UNC13C: variants seen among roughly 807,000 people sequenced by gnomAD.
UNC13C encodes the protein protein unc-13 homolog C.
In UNC13C, 174 loss-of-function variants were observed where a neutral mutation model predicts 245.4. That is an observed-to-expected ratio of 0.71 (90% CI 0.63 to 0.80). The LOEUF is 0.80. UNC13C is among the 30% of genes least tolerant of loss of function. The pLI is 0.00. For missense variants in UNC13C, 2,829 were observed against 2,602.9 expected, an observed-to-expected ratio of 1.09 and a Z score of -1.89; for synonymous variants, 992 against 895.1, an observed-to-expected ratio of 1.11 and a Z score of -1.93.
chr15:54,457,504 C>G (rs1346876883), intron 19 of UNC13C, among the ~76,000 whole-genome samples: 1 of 151,878 alleles, frequency 6.6e-6, no homozygotes, highest in African/African-American at 2.4e-5. Flanking sequence ...ATCCATCTGG[C>G]CGTGGACTTT....
At chr15:54,091,757 A>G (rs565652490) in intron 2 of UNC13C, among the ~76,000 whole-genome samples, 6 of 100,612 alleles carry the variant, frequency 6.0e-5, no homozygotes, top group African/African-American at 1.6e-4. Flanking sequence ...TAGTTTTTCA[A>G]TTGATACTTT....
rs183366796 is a variant in UNC13C, at chr15:54,566,716, A to C, written c.5959-1084A>C. On this transcript the variant is annotated intron_variant, in intron 29 of 32. Transcript: ENST00000260323. The stretch of plus-strand genomic sequence containing the variant: ...GCTAATACCCATAAAATTTTTCTGC[A>C]TCTCCCCTTGAATAGGGAAAAAAAA... Among the ~76,000 whole-genome samples the C allele has an allele frequency of 3.5e-4, 53 of 151,784 alleles. No individual in the cohort carries two copies. The East Asian group carries it at 6.0e-3, about 17-fold the overall frequency.
intron 2 of UNC13C, among the ~76,000 whole-genome samples, chr15:54,084,277 G>T (rs2141123385): frequency 6.6e-6 from 1 of 152,182 alleles, no homozygotes; most frequent in African/African-American, 2.4e-5. Flanking sequence ...TCTTTCTATT[G>T]GTCAGTTGGA....
chr15:54,373,834 T>G (rs1159440508), intron 17 of UNC13C, among the ~76,000 whole-genome samples: 1 of 152,154 alleles, frequency 6.6e-6, no homozygotes, highest in Non-Finnish European at 1.5e-5. Context: ...TTGTCTCACA[T>G]CCAGGAAGAA....
intron 16 of UNC13C, among the ~76,000 whole-genome samples, chr15:54,337,662 G>T (rs1567197580): frequency 6.6e-6 from 1 of 152,096 alleles, no homozygotes; most frequent in Non-Finnish European, 1.5e-5. Flanking sequence ...AGACTAAATT[G>T]TAACGCTGTT....
chr15:53,947,380 T>C, the UNC13C span, among the ~76,000 whole-genome samples: 1 of 152,202 alleles, frequency 6.6e-6, no homozygotes, highest in Admixed American at 6.5e-5. Flanking sequence ...AATGAACAAA[T>C]GAAATAGAAA....
At chr15:54,004,522 A>G (rs1288643771) in intron 1 of UNC13C, among the ~76,000 whole-genome samples, 1 of 152,192 alleles carries the variant, frequency 6.6e-6, no homozygotes, top group Non-Finnish European at 1.5e-5. Context: ...TTGAGTATAT[A>G]TCCAACAGCA....
Position 54,619,364 on chromosome 15 carries a change from C to T in UNC13C, c.6107-2963C>T, listed in dbSNP as rs372614796. ...ACTCATTTGCACTCTACGCATGTTT[C>T]ACTCTAGCATTATCCCTTATCCTTT... On this transcript the variant is annotated intron_variant, in intron 30 of 32. Coordinates refer to ENST00000260323, the MANE Select transcript of UNC13C (RefSeq NM_001080534.3). Among the ~76,000 whole-genome samples, 47 of 152,276 alleles carry T rather than the reference C, an allele frequency of 3.1e-4. 1 individual carries two copies. The highest frequency in any genetic ancestry group is 1.1e-3 in the African/African-American group (47 of 41,562).
intron 4 of UNC13C, among the ~76,000 whole-genome samples, chr15:54,230,109 G>A (rs572256546): frequency 3.6e-4 from 19 of 53,052 alleles, no homozygotes; most frequent in African/African-American, 1.4e-3. Flanking sequence ...TTCACTGTTG[G>A]TAGGAGTAAT....
rs746266863 is a variant in UNC13C at position 54,523,358 on chromosome 15, C to T, written c.5458-2191C>T. ...AATGGTATGATTCAGATCATGTAAA[C>T]GTTAAATACTTAACTGAAACTAAAA... On this transcript the variant is annotated intron_variant, in intron 24 of 32. Coordinates refer to ENST00000260323, the MANE Select transcript of UNC13C (RefSeq NM_001080534.3). Among the ~76,000 whole-genome samples, 18 of 152,256 alleles carry T rather than the reference C, an allele frequency of 1.2e-4. 1 individual carries two copies. The South Asian group carries it at 1.5e-3, about 12-fold the overall frequency.
At chr15:54,364,474 G>A (rs2039314675) in intron 17 of UNC13C, among the ~76,000 whole-genome samples, 1 of 152,172 alleles carries the variant, frequency 6.6e-6, no homozygotes, top group South Asian at 2.1e-4. Context: ...TTTCTTAGAT[G>A]TAGGGAGCTA....
At chr15:53,877,965 T>C in the UNC13C span, among the ~76,000 whole-genome samples, 1 of 152,240 alleles carries the variant, frequency 6.6e-6, no homozygotes, top group Non-Finnish European at 1.5e-5. Flanking sequence ...TTATATGTCT[T>C]GCTCTTTTTG....
At chr15:54,139,860 C>A (rs1460423660) in intron 2 of UNC13C, among the ~76,000 whole-genome samples, 1 of 151,946 alleles carries the variant, frequency 6.6e-6, no homozygotes, top group Non-Finnish European at 1.5e-5. Flanking sequence ...GTATGTGGAA[C>A]TTGGTGGCAT....
chr15:54,513,458 T>C (rs934196496), intron 24 of UNC13C, among the ~76,000 whole-genome samples: 10 of 152,194 alleles, frequency 6.6e-5, no homozygotes, highest in African/African-American at 2.2e-4. Context: ...TAAAGGAAAC[T>C]GGATGGGCCA....
chr15:54,172,683 CAA>C lies in UNC13C; in HGVS notation c.3071+29001_3071+29002del, dbSNP rs1253858961. Among the ~76,000 whole-genome samples the C allele has an allele frequency of 9.0e-4, 94 of 104,438 alleles. 1 individual carries two copies. Among genetic ancestry groups the C allele is most frequent in the African/African-American group, 3.2e-3 (90 of 28,248 alleles). 68.5% of individuals were successfully genotyped at this position (104,438 alleles called of 152,430 possible). ...GTCAAATATATATATTAATTTATGA[CAA>C]AGTCAAATACACACACAGATATATA... is the stretch of plus-strand genomic sequence containing the variant. On this transcript the variant is annotated intron_variant, in intron 4 of 32. Transcript: ENST00000260323.
chr15:54,625,722 T>A (rs187049647), intron 32 of UNC13C, among the ~76,000 whole-genome samples: 8 of 152,204 alleles, frequency 5.3e-5, no homozygotes, highest in Admixed American at 2.0e-4. Context: ...AAAACTGAAG[T>A]ATCCTACTCT....
intron 4 of UNC13C, among the ~76,000 whole-genome samples, chr15:54,179,311 C>G (rs190582121): frequency 3.7e-4 from 56 of 152,148 alleles, no homozygotes; most frequent in Non-Finnish European, 6.9e-4. Context: ...AATAAGCAGA[C>G]TAACAATCCA....
At chr15:54,170,726 A>T (rs139913976) in intron 4 of UNC13C, among the ~76,000 whole-genome samples, 57 of 152,312 alleles carry the variant, frequency 3.7e-4, no homozygotes, top group African/African-American at 1.3e-3. Flanking sequence ...TGCTAGAGAG[A>T]ACGTGGCAAT....
intron 19 of UNC13C, among the ~76,000 whole-genome samples, chr15:54,464,350 G>T (rs1892051914): frequency 6.6e-6 from 1 of 152,020 alleles, no homozygotes; most frequent in Non-Finnish European, 1.5e-5. Context: ...TCCTGGAATA[G>T]AGAAAACTTT....
Sources: allele counts gnomAD v4.1 joint callset (sites outside exome capture counted in the v4.1 genomes callset), GRCh38; gene constraint gnomAD v4.1.1; transcripts MANE v1.5; gene names NCBI Gene and HGNC (gene_info 2026-07-23, HGNC 2026-07-21).